GLCCI1: variants seen among roughly 807,000 people sequenced by gnomAD.
GLCCI1 encodes the protein glucocorticoid-induced transcript 1 protein.
In GLCCI1, 24 loss-of-function variants were observed where a neutral mutation model predicts 52.2. That is an observed-to-expected ratio of 0.46 (90% CI 0.33 to 0.65). The LOEUF (loss-of-function observed/expected upper bound fraction) is 0.65, where lower values mean the gene tolerates loss of function less well. Ranked by LOEUF, GLCCI1 falls within the 30% of genes least tolerant of loss-of-function variation. The pLI is 0.02. For missense variants in GLCCI1, 704 were observed against 701.5 expected (o/e 1.00, Z -0.04); for synonymous variants, 310 against 276.5 (o/e 1.12, Z -1.20).
chr7:7,990,381 G>T (rs748595239), intron 1 of GLCCI1, among the ~76,000 whole-genome samples: 3 of 152,070 alleles, frequency 2.0e-5, no homozygotes, highest in Non-Finnish European at 4.4e-5. Context: ...AATATCAATT[G>T]ACTCTTTTTG....
At chr7:8,020,094 T>C (rs983970510) in intron 2 of GLCCI1, among the ~76,000 whole-genome samples, 2 of 152,224 alleles carry the variant, frequency 1.3e-5, no homozygotes, top group African/African-American at 4.8e-5. Flanking sequence ...AACACTTAGC[T>C]TAAAACACAA....
At chr7:8,041,370 C>G (rs1583993956) in intron 3 of GLCCI1, among the ~76,000 whole-genome samples, 1 of 152,156 alleles carries the variant, frequency 6.6e-6, no homozygotes, top group Non-Finnish European at 1.5e-5. Context: ...CTATAAAGTG[C>G]AAGGTGAAGA....
At chr7:8,044,397 T>G (rs1782074588) in intron 3 of GLCCI1, among the ~76,000 whole-genome samples, 1 of 148,676 alleles carries the variant, frequency 6.7e-6, no homozygotes, top group African/African-American at 2.5e-5. Flanking sequence ...TGAGACAGGG[T>G]CTTGCCCTGT....
chr7:8,035,598 A>T (rs184011220), intron 3 of GLCCI1, among the ~76,000 whole-genome samples: 1 of 152,330 alleles, frequency 6.6e-6, no homozygotes. Flanking sequence ...TGCAACAGAA[A>T]TCAGGAGAAC....
chr7:8,063,213 C>G (rs1782554410), intron 5 of GLCCI1, among the ~76,000 whole-genome samples: 1 of 152,158 alleles, frequency 6.6e-6, no homozygotes, highest in African/African-American at 2.4e-5. Flanking sequence ...TCTTGGCTTA[C>G]TGCAACTTCT....
chr7:8,053,293 T>G (rs945786128), intron 3 of GLCCI1, among the ~76,000 whole-genome samples: 1 of 143,340 alleles, frequency 7.0e-6, no homozygotes, highest in Non-Finnish European at 1.5e-5. Context: ...TTCATGGTTT[T>G]GTTTTGTTTT....
chr7:7,996,386 TA>T (rs35101115), intron 1 of GLCCI1, among the ~76,000 whole-genome samples: 4,268 of 152,132 alleles, frequency 0.028, 194 homozygotes, highest in African/African-American at 0.09. Flanking sequence ...AAAACGAACT[TA>T]AAAAAATCTT....
intron 3 of GLCCI1, among the ~76,000 whole-genome samples, chr7:8,040,581 G>A (rs1781976549): frequency 6.8e-6 from 1 of 146,758 alleles, no homozygotes; most frequent in Non-Finnish European, 1.5e-5. Flanking sequence ...TTTAAAAGAC[G>A]GATTAATTGC....
At chr7:8,017,064 T>C (rs1158223358) in intron 2 of GLCCI1, among the ~76,000 whole-genome samples, 1 of 152,176 alleles carries the variant, frequency 6.6e-6, no homozygotes, top group Non-Finnish European at 1.5e-5. Flanking sequence ...TTTGCTGTCT[T>C]ACAAATAAGA....
Position 7,999,134 on chromosome 7 carries a change from A to T in GLCCI1, c.458-4774A>T, listed in dbSNP as rs538522985. The stretch of plus-strand genomic sequence containing the variant: ...TCTGACAGAGTAGTTATAGAAAGTG[A>T]ACACTAAGTGTAGAGCATGTGATCT... On this transcript the variant is annotated intron_variant, in intron 1 of 7. Coordinates refer to ENST00000223145, the MANE Select transcript of GLCCI1 (RefSeq NM_138426.4). Among the ~76,000 whole-genome samples, 9 of 152,210 alleles carry T rather than the reference A, an allele frequency of 5.9e-5. No homozygotes were observed. The East Asian group carries it at 1.3e-3, about 23-fold the overall frequency.
intron 2 of GLCCI1, among the ~76,000 whole-genome samples, chr7:8,020,924 G>A (rs1375960020): frequency 6.6e-6 from 1 of 152,100 alleles, no homozygotes; most frequent in Non-Finnish European, 1.5e-5. Flanking sequence ...ATCTAGGACG[G>A]AACATAGGAA....
chr7:7,970,507 T>G (rs1182792386), intron 1 of GLCCI1: 1 of 152,460 alleles, frequency 6.6e-6, no homozygotes, highest in African/African-American at 2.4e-5. Context: ...ATTTTCATGG[T>G]AAATTTCTGA....
At chr7:8,057,973 G>A (rs544234614) in intron 4 of GLCCI1, among the ~76,000 whole-genome samples, 57 of 152,130 alleles carry the variant, frequency 3.7e-4, no homozygotes, top group African/African-American at 1.0e-3. Context: ...CCAAAAAAAC[G>A]TGTTCACATG....
chr7:8,071,203 C>T, intron 6 of GLCCI1, 72 bp downstream of exon 6: 2 of 1,169,832 alleles, frequency 1.7e-6, no homozygotes, highest in African/African-American at 3.1e-5. Context: ...TAGACCATTA[C>T]ATCTTTTTTT....
chr7:8,058,239 T>C (rs925259085), intron 4 of GLCCI1, among the ~76,000 whole-genome samples: 3 of 152,178 alleles, frequency 2.0e-5, no homozygotes, highest in African/African-American at 7.2e-5. Context: ...CTATACATCT[T>C]TGAGAACATG....
At chr7:8,003,406 G>T (rs930794364) in intron 1 of GLCCI1, among the ~76,000 whole-genome samples, 1 of 152,138 alleles carries the variant, frequency 6.6e-6, no homozygotes, top group Non-Finnish European at 1.5e-5. Flanking sequence ...CGCTTAGCAT[G>T]GGATTATGGA....
intron 5 of GLCCI1, among the ~76,000 whole-genome samples, chr7:8,062,336 CCAGA>C (rs1296804213): frequency 6.6e-6 from 1 of 152,026 alleles, no homozygotes; most frequent in Non-Finnish European, 1.5e-5. Flanking sequence ...ACATAGTTAA[CCAGA>C]CAATTTGTTC....
At chr7:7,979,141 A>G (rs1347361862) in intron 1 of GLCCI1, among the ~76,000 whole-genome samples, 1 of 152,280 alleles carries the variant, frequency 6.6e-6, no homozygotes, top group Middle Eastern at 3.4e-3. Flanking sequence ...TGCAAAAGTG[A>G]GGATTTAGAC....
chr7:8,040,666 G>A (rs977589924), intron 3 of GLCCI1, among the ~76,000 whole-genome samples: 8 of 151,992 alleles, frequency 5.3e-5, no homozygotes, highest in Admixed American at 1.3e-4. Context: ...ATCCACTTTG[G>A]AAAACACTTT....
Sources: allele counts gnomAD v4.1 joint callset (sites outside exome capture counted in the v4.1 genomes callset), GRCh38; gene constraint gnomAD v4.1.1; transcripts MANE v1.5; gene names NCBI Gene and HGNC (gene_info 2026-07-23, HGNC 2026-07-21).